GRK5: variants seen among roughly 807,000 people sequenced by gnomAD.
The protein encoded by GRK5 is G protein-coupled receptor kinase 5, also known as g protein-coupled receptor kinase GRK5.
Under a neutral mutation model 78.4 loss-of-function variants are expected in GRK5, and 40 were observed. The ratio of observed to expected loss-of-function variants is 0.51; its 90% CI spans 0.40 to 0.66. The LOEUF (loss-of-function observed/expected upper bound fraction) is 0.66. Ranked by LOEUF, GRK5 falls within the 30% of genes least tolerant of loss-of-function variation. The pLI is 0.00. For synonymous variants in GRK5, 289 were observed against 296.8 expected (o/e 0.97, Z 0.27); for missense variants, 598 against 759.9 (o/e 0.79, Z 2.50).
chr10:119,398,409 C>CGA (rs3064492), intron 4 of GRK5, among the ~76,000 whole-genome samples: 151,699 of 152,094 alleles, frequency 1, 75,654 homozygotes, highest in Middle Eastern at 1. Flanking sequence ...CGCGTATCCA[C>CGA]GAGATTGCCC....
chr10:119,269,621 A>G (rs146768388), intron 1 of GRK5, among the ~76,000 whole-genome samples: 10,790 of 151,998 alleles, frequency 0.071, 543 homozygotes, highest in Admixed American at 0.14. Context: ...ACCTGAGGTC[A>G]GGAGTTTGAG....
intron 3 of GRK5, among the ~76,000 whole-genome samples, chr10:119,395,649 T>C (rs1852037422): frequency 6.6e-6 from 1 of 152,200 alleles, no homozygotes; most frequent in African/African-American, 2.4e-5. Flanking sequence ...AGGCCCTTTA[T>C]CCATGTGGCG....
At chr10:119,443,777 A>G (rs1254837035) in intron 12 of GRK5, 25 bp downstream of exon 12, 1 of 1,567,390 alleles carries the variant, frequency 6.4e-7, no homozygotes, top group Non-Finnish European at 8.7e-7. Flanking sequence ...GCCAGATGCC[A>G]CCCTCAAGCT....
chr10:119,419,392 G>A (rs1010262217), intron 4 of GRK5, among the ~76,000 whole-genome samples: 2 of 152,196 alleles, frequency 1.3e-5, no homozygotes, highest in Non-Finnish European at 2.9e-5. Flanking sequence ...ATAAATGTCC[G>A]ACTACAACTA....
chr10:119,361,960 CAAAAAAAAAAAAAA>C (rs71016566), intron 2 of GRK5, among the ~76,000 whole-genome samples: 1 of 85,650 alleles, frequency 1.2e-5, no homozygotes, highest in Non-Finnish European at 2.4e-5. Flanking sequence ...GACTCTATCT[CAAAAAAAAAAAAAA>C]AAAAAAAAAA....
At chr10:119,211,728 A>C (rs940555256) in intron 1 of GRK5, 4 of 152,238 alleles carry the variant, frequency 2.6e-5, no homozygotes, top group African/African-American at 9.6e-5. Context: ...TAACTCTGTG[A>C]CTTGGCTGGA....
In GRK5 at chr10:119,367,215, C is replaced by T. The variant is rs191828276; in HGVS notation, c.149-13600C>T. On this transcript the variant is annotated intron_variant, in intron 2 of 15. Transcript: ENST00000392870. ...CTCTAAAGATCCGTGTCGAAAATCC[C>T]GACACCACGAGCTAGAATTCTGCTA... Among the ~76,000 whole-genome samples, 22 of 152,296 alleles carry T rather than the reference C, an allele frequency of 1.4e-4. No homozygotes were observed. The East Asian group carries it at 2.5e-3, about 17-fold the overall frequency.
intron 2 of GRK5, among the ~76,000 whole-genome samples, chr10:119,359,163 G>A (rs1277376731): frequency 1.3e-5 from 2 of 152,206 alleles, no homozygotes; most frequent in South Asian, 4.1e-4. Flanking sequence ...TGCATCAGAG[G>A]AGCCATTTGG....
At chr10:119,326,823 T>C (rs541201305) in intron 2 of GRK5, among the ~76,000 whole-genome samples, 1 of 152,258 alleles carries the variant, frequency 6.6e-6, no homozygotes, top group Non-Finnish European at 1.5e-5. Context: ...TCATTGAATA[T>C]ATGGCATGTG....
At chr10:119,367,682 TCA>T (rs1282036137) in intron 2 of GRK5, among the ~76,000 whole-genome samples, 1 of 152,262 alleles carries the variant, frequency 6.6e-6, no homozygotes, top group Admixed American at 6.5e-5. Flanking sequence ...GGGAATGGCC[TCA>T]CAGCATGGTG....
At chr10:119,319,471 C>G (rs78365121) in intron 1 of GRK5, among the ~76,000 whole-genome samples, 75 of 152,396 alleles carry the variant, frequency 4.9e-4, no homozygotes, top group African/African-American at 1.8e-3. Flanking sequence ...GCCATTTTCC[C>G]TTGCCTGGCG....
chr10:119,438,158 G>T (rs1852960696), intron 9 of GRK5, among the ~76,000 whole-genome samples: 1 of 151,776 alleles, frequency 6.6e-6, no homozygotes, highest in Non-Finnish European at 1.5e-5. Flanking sequence ...TTTCTAATCA[G>T]TCCTTTGGAA....
chr10:119,381,034 C>T, intron 3 of GRK5, 107 bp downstream of exon 3: 1 of 675,782 alleles, frequency 1.5e-6, no homozygotes, highest in African/African-American at 1.8e-5. Flanking sequence ...GAGGAATAAA[C>T]TCACTGCTTA....
chr10:119,417,093 C>T (rs1427157353), intron 4 of GRK5, among the ~76,000 whole-genome samples: 1 of 152,202 alleles, frequency 6.6e-6, no homozygotes, highest in Non-Finnish European at 1.5e-5. Flanking sequence ...GCTTCATGGG[C>T]CTTGGCTGAA....
chr10:119,340,909 A>T (rs971094602), intron 2 of GRK5, among the ~76,000 whole-genome samples: 1 of 152,192 alleles, frequency 6.6e-6, no homozygotes, highest in South Asian at 2.1e-4. Context: ...TTGGTTGGAC[A>T]AATGGCCAGA....
intron 1 of GRK5, among the ~76,000 whole-genome samples, chr10:119,294,123 A>C (rs1265706555): frequency 6.6e-6 from 1 of 152,172 alleles, no homozygotes; most frequent in Non-Finnish European, 1.5e-5. Flanking sequence ...TCCTGCAGGG[A>C]GGAAAGCGTA....
intron 1 of GRK5, among the ~76,000 whole-genome samples, chr10:119,222,600 C>T (rs1469432136): frequency 6.6e-6 from 1 of 152,156 alleles, no homozygotes; most frequent in East Asian, 1.9e-4. Context: ...AGTGGCCCCT[C>T]CTCCTGCTCT....
At chr10:119,302,768 G>C (rs1406540026) in intron 1 of GRK5, among the ~76,000 whole-genome samples, 2 of 152,192 alleles carry the variant, frequency 1.3e-5, no homozygotes, top group Non-Finnish European at 2.9e-5. Context: ...AGGAGAGGGT[G>C]GGGGCCTGGC....
chr10:119,430,388 A>G lies in GRK5; in HGVS notation c.547A>G (p.Lys183Glu), dbSNP rs1475038952. Residue 183 changes from lysine to glutamate, a missense_variant, in exon 7 of 16, where the codon AAA becomes GAA. By Grantham distance (56) the Lys-to-Glu change is moderately conservative. Transcript: ENST00000392870. The surrounding 1 kb of genome is among the most constrained non-coding windows in gnomAD (Gnocchi z 4.5). ...TCTTTCTTCCAGGCAACCGGTGACC[A>G]AAAACACTTTCAGGCAGTATCGAGT... ...WKWLERQPVT[K>E]NTFRQYRVLG... 1 of 1,612,272 alleles carries G rather than the reference A, an allele frequency of 6.2e-7. No individual in the cohort carries two copies. The highest frequency in any genetic ancestry group is 8.5e-7 in the Non-Finnish European group (1 of 1,178,812).
Sources: allele counts gnomAD v4.1 joint callset (sites outside exome capture counted in the v4.1 genomes callset), GRCh38; gene constraint gnomAD v4.1.1; non-coding constraint Gnocchi (gnomAD v3.1); transcripts MANE v1.5; gene names NCBI Gene and HGNC (gene_info 2026-07-23, HGNC 2026-07-21).